Variants in ZSCAN30 observed in about 807,000 individuals in gnomAD.
The protein encoded by ZSCAN30 is zinc finger and SCAN domain-containing protein 30.
Under a neutral mutation model 44.3 loss-of-function variants are expected in ZSCAN30, and 37 were observed. That is an observed-to-expected ratio of 0.84 (90% CI 0.64 to 1.10). The LOEUF (loss-of-function observed/expected upper bound fraction) is 1.10. Among genes scored for constraint, ZSCAN30 ranks in the 50% least tolerant of loss-of-function variants. ZSCAN30 has a pLI of 0.00. For synonymous variants in ZSCAN30, 181 were observed against 204.6 expected (o/e 0.88, Z 0.98); for missense variants, 549 against 582.6 (o/e 0.94, Z 0.59).
At chr18:35,263,468 G>A (rs1253762385) in intron 3 of ZSCAN30, 45 bp downstream of exon 3, 2 of 1,609,906 alleles carry the variant, frequency 1.2e-6, no homozygotes, top group Middle Eastern at 1.8e-4. Context: ...ACAGTTGATA[G>A]CTCTCACCTC....
chr18:35,278,183 G>A (rs1452344091), intron 1 of ZSCAN30, among the ~76,000 whole-genome samples: 1 of 152,032 alleles, frequency 6.6e-6, no homozygotes, highest in East Asian at 1.9e-4. Flanking sequence ...AATCCTCACT[G>A]TCCCCAACCT....
At position 35,254,031 on chromosome 18, in the gene ZSCAN30, CAT is replaced by C. The variant is rs2043696855; in HGVS notation, c.902_903del (p.Tyr301Ter). The C allele has an allele frequency of 1.2e-6, 2 of 1,614,096 alleles. No homozygotes were observed. Among genetic ancestry groups the C allele is most frequent in the Non-Finnish European group, 8.5e-7 (1 of 1,180,036 alleles). On this transcript the variant is annotated frameshift_variant, in exon 4 of 4. Coordinates refer to ENST00000333206, the MANE Select transcript of ZSCAN30 (RefSeq NM_001112734.4). LOFTEE classifies it high-confidence loss of function. The stretch of plus-strand genomic sequence containing the variant: ...AAGGCCTTCCCACAGTCAAAGCACT[CAT>C]AGAGCTTTTCCCTAGTGTCAACGCT... ...QQSVDTREKL[Y>X]ECFDCGKAFC...
At chr18:35,254,402 TGTAA>T (rs1569061232) in intron 3 of ZSCAN30, 21 bp from the exon 4 acceptor site, 15 of 1,613,970 alleles carry the variant, frequency 9.3e-6, no homozygotes, top group Non-Finnish European at 1.2e-5. Flanking sequence ...GAATAGAAAG[TGTAA>T]GTATCATTTA....
chr18:35,253,877 C>A lies in ZSCAN30; in HGVS notation c.1058G>T (p.Gly353Val), dbSNP rs763531067. Residue 353 changes from glycine to valine, a missense_variant, in exon 4 of 4, where the codon GGT (glycine) becomes GTT (valine). Physicochemically the swap from Gly to Val is moderately radical, Grantham distance 109. Coordinates refer to ENST00000333206, the MANE Select transcript of ZSCAN30 (RefSeq NM_001112734.4). ...DLVRHQRIHS[G>V]EKPYECCECG... The stretch of plus-strand genomic sequence containing the variant: ...TTCACAACATTCATAGGGTTTTTCA[C>A]CACTATGAATTCTCTGATGTCTAAC... 1.1e-5 allele frequency: 18 copies of A among 1,614,138 alleles called. No individual in the cohort carries two copies. The highest frequency in any genetic ancestry group is 1.4e-5 in the Non-Finnish European group (16 of 1,180,018).
intron 1 of ZSCAN30, among the ~76,000 whole-genome samples, chr18:35,272,355 T>TG (rs1170869342): frequency 1.4e-5 from 2 of 145,992 alleles, no homozygotes; most frequent in African/African-American, 5.1e-5. Context: ...AGAAAGTTTT[T>TG]TTTTTTTTTT....
At chr18:35,254,585 G>T in intron 3 of ZSCAN30, 1 of 835,668 alleles carries the variant, frequency 1.2e-6, no homozygotes, top group East Asian at 2.7e-5. Flanking sequence ...ACAAAGAAAT[G>T]AATTAGTATT....
chr18:35,269,301 G>C (rs1196861357), intron 1 of ZSCAN30: 1 of 152,130 alleles, frequency 6.6e-6, no homozygotes, highest in Non-Finnish European at 1.5e-5. Context: ...TGCATACCAA[G>C]GCATTCCCCC....
intron 1 of ZSCAN30, chr18:35,267,234 CCCGACACAAGACACG>C (rs2044172983): frequency 6.6e-6 from 1 of 152,344 alleles, no homozygotes; most frequent in Non-Finnish European, 1.5e-5. Flanking sequence ...GAGCCTGCAG[CCCGACACAAGACACG>C]CTGGGTAAGC....
rs551894110 is a variant in ZSCAN30, at chr18:35,253,339, T to A, written c.*111A>T. The stretch of plus-strand genomic sequence containing the variant: ...TGCATGTCTTCTTATAGTACCGAAC[T>A]GGGAGGGAAGGACAGAAGTTCTGCT... On this transcript the variant is annotated 3_prime_UTR_variant, in exon 4 of 4. Transcript: ENST00000333206. 1 of 801,946 alleles carries A rather than the reference T, an allele frequency of 1.2e-6. No homozygotes were observed. Among genetic ancestry groups the A allele is most frequent in the South Asian group, 2.1e-5 (1 of 47,308 alleles). The allele number at this position is 801,946 out of a possible 1,614,324, so 49.7% of individuals were successfully genotyped here.
At chr18:35,284,594 C>T (rs1231845852) in intron 1 of ZSCAN30, 1 of 155,064 alleles carries the variant, frequency 6.4e-6, no homozygotes, top group Non-Finnish European at 1.5e-5. Flanking sequence ...TGGCTCGGCC[C>T]CAACCTTGCT....
chr18:35,276,487 G>A (rs2044369500), intron 1 of ZSCAN30, among the ~76,000 whole-genome samples: 1 of 152,152 alleles, frequency 6.6e-6, no homozygotes, highest in Non-Finnish European at 1.5e-5. Context: ...CCTGCTGTGT[G>A]CAGCCTAGGG....
At chr18:35,289,369 G>A (rs1245706234) in intron 1 of ZSCAN30, 1 of 151,988 alleles carries the variant, frequency 6.6e-6, no homozygotes, top group Non-Finnish European at 1.5e-5. Context: ...TTATATTAAG[G>A]GCTTAGTCAT....
intron 1 of ZSCAN30, among the ~76,000 whole-genome samples, chr18:35,287,737 CA>C (rs1889860067): frequency 1.3e-5 from 2 of 152,092 alleles, no homozygotes; most frequent in African/African-American, 4.8e-5. Context: ...AAATATCATA[CA>C]AAAAGCATGA....
intron 1 of ZSCAN30, among the ~76,000 whole-genome samples, chr18:35,266,463 G>A (rs557175432): frequency 2.0e-5 from 3 of 152,132 alleles, no homozygotes; most frequent in Non-Finnish European, 4.4e-5. Flanking sequence ...GCTTGGAAGA[G>A]AGAGGGGTCA....
intron 1 of ZSCAN30, chr18:35,268,207 G>C (rs1282802173): frequency 6.6e-6 from 1 of 152,422 alleles, no homozygotes; most frequent in African/African-American, 2.4e-5. Flanking sequence ...GGGTTGGTTA[G>C]AGTGAGTTAG....
At position 35,251,947 on chromosome 18, in the gene ZSCAN30, T is replaced by A. The variant is rs1408546266; in HGVS notation, c.*1503A>T. 2.0e-5 allele frequency: 3 copies of A among 152,216 alleles called. No homozygotes were observed. Among genetic ancestry groups the A allele is most frequent in the African/African-American group, 7.2e-5 (3 of 41,442 alleles). 9.4% of individuals were successfully genotyped at this position (152,216 alleles called of 1,614,324 possible). On this transcript the variant is annotated 3_prime_UTR_variant, in exon 4 of 4. Coordinates refer to ENST00000333206, the MANE Select transcript of ZSCAN30 (RefSeq NM_001112734.4). ...GAGGAATCAAACTTTCTTTTAGGTA[T>A]TAATTGCCCTCAGCAATTGTGGGTT...
intron 1 of ZSCAN30, among the ~76,000 whole-genome samples, chr18:35,271,298 G>A (rs549068586): frequency 8.5e-5 from 13 of 152,204 alleles, no homozygotes; most frequent in African/African-American, 2.9e-4. Context: ...GGTCAATTTT[G>A]ACAGGGTGCT....
chr18:35,271,089 T>A (rs1460527002), intron 1 of ZSCAN30, among the ~76,000 whole-genome samples: 1 of 152,148 alleles, frequency 6.6e-6, no homozygotes, highest in Non-Finnish European at 1.5e-5. Context: ...ATAAAGGCAG[T>A]GCAGACCCAA....
chr18:35,263,464 G>GATAGCTCTCAA, intron 3 of ZSCAN30, 49 bp downstream of exon 3: 5 of 1,608,062 alleles, frequency 3.1e-6, no homozygotes, highest in Non-Finnish European at 4.3e-6. Context: ...TGCCACAGTT[G>GATAGCTCTCAA]ATAGCTCTCA....
Sources: allele counts gnomAD v4.1 joint callset (sites outside exome capture counted in the v4.1 genomes callset), GRCh38; gene constraint gnomAD v4.1.1; transcripts MANE v1.5; gene names NCBI Gene and HGNC (gene_info 2026-07-23, HGNC 2026-07-21).